The following DCHS2 variants were observed in gnomAD, a reference collection of about 807,000 sequenced individuals.
DCHS2 encodes the protein dachsous cadherin-related 2.
A neutral mutation model predicts 182.4 loss-of-function variants in DCHS2; 142 were observed. The ratio of observed to expected loss-of-function variants is 0.78; its 90% CI spans 0.68 to 0.89. DCHS2 has a LOEUF of 0.89. Among genes scored for constraint, DCHS2 ranks in the 40% least tolerant of loss-of-function variants. DCHS2 has a pLI of 0.00. For synonymous variants in DCHS2, 1,740 were observed against 1,663.3 expected, an observed-to-expected ratio of 1.05 and a Z score of -1.12; for missense variants, 4,319 against 4,198.6, an observed-to-expected ratio of 1.03 and a Z score of -0.79.
intron 1 of DCHS2, among the ~76,000 whole-genome samples, chr4:154,415,306 G>GTCAAA (rs1732790039): frequency 6.6e-6 from 1 of 152,132 alleles, no homozygotes; most frequent in Non-Finnish European, 1.5e-5. Flanking sequence ...CTTATACATA[G>GTCAAA]ATTTAATTGC....
At chr4:154,387,399 G>C (rs1360847707) in intron 1 of DCHS2, among the ~76,000 whole-genome samples, 1 of 142,658 alleles carries the variant, frequency 7.0e-6, no homozygotes, top group Non-Finnish European at 1.5e-5. Context: ...ACCTGAAACA[G>C]ATCCTACTAA....
At chr4:154,379,870 T>C (rs1731089366) in intron 1 of DCHS2, among the ~76,000 whole-genome samples, 1 of 152,164 alleles carries the variant, frequency 6.6e-6, no homozygotes, top group African/African-American at 2.4e-5. Context: ...TTGGAGCTAT[T>C]TTGAAGTAGT....
chr4:154,486,507 TG>T (rs1728592075), intron 1 of DCHS2: 1 of 1,304,618 alleles, frequency 7.7e-7, no homozygotes, highest in Non-Finnish European at 1.0e-6. Context: ...AAAGGCAACT[TG>T]AGCAGATATA....
intron 13 of DCHS2, among the ~76,000 whole-genome samples, chr4:154,295,327 T>C (rs1734873624): frequency 6.6e-6 from 1 of 152,234 alleles, no homozygotes; most frequent in South Asian, 2.1e-4. Flanking sequence ...CCTAGTTAGA[T>C]AATGCTCATT....
At chr4:154,407,375 C>G (rs1732445632) in intron 1 of DCHS2, among the ~76,000 whole-genome samples, 1 of 152,146 alleles carries the variant, frequency 6.6e-6, no homozygotes, top group Non-Finnish European at 1.5e-5. Context: ...ACTTGCTTAA[C>G]CAAGAGCAAA....
At chr4:154,242,130 C>T (rs1731855461) in intron 17 of DCHS2, among the ~76,000 whole-genome samples, 1 of 152,138 alleles carries the variant, frequency 6.6e-6, no homozygotes, top group African/African-American at 2.4e-5. Flanking sequence ...TGAAGGTTAA[C>T]CAGCATCTCA....
intron 13 of DCHS2, among the ~76,000 whole-genome samples, chr4:154,282,045 C>T (rs573010371): frequency 6.6e-6 from 1 of 152,040 alleles, no homozygotes; most frequent in African/African-American, 2.4e-5. Context: ...GGATTAGAGA[C>T]TTAAATGTAA....
intron 1 of DCHS2, among the ~76,000 whole-genome samples, chr4:154,450,755 C>T (rs989466608): frequency 2.0e-5 from 3 of 151,918 alleles, no homozygotes; most frequent in Admixed American, 6.6e-5. Flanking sequence ...ATCACTTGAA[C>T]GCGGAAGGCA....
intron 16 of DCHS2, among the ~76,000 whole-genome samples, chr4:154,254,997 T>C (rs992405580): frequency 3.3e-5 from 5 of 152,204 alleles, no homozygotes; most frequent in African/African-American, 1.2e-4. Flanking sequence ...GGCTGGCATA[T>C]CTTAGACTCT....
At chr4:154,291,248 T>C (rs1181686242) in intron 13 of DCHS2, among the ~76,000 whole-genome samples, 1 of 151,978 alleles carries the variant, frequency 6.6e-6, no homozygotes, top group East Asian at 1.9e-4. Flanking sequence ...AAATATCATC[T>C]CATCTCATTT....
At chr4:154,352,093 T>C (rs1729647025) in intron 3 of DCHS2, among the ~76,000 whole-genome samples, 1 of 151,950 alleles carries the variant, frequency 6.6e-6, no homozygotes, top group African/African-American at 2.4e-5. Context: ...ACAGAGAGAC[T>C]TGCATACACA....
At position 154,485,463 on chromosome 4, in the gene DCHS2, T is replaced by A. The variant is rs540073706; in HGVS notation, c.2052+3841A>T. Among the ~76,000 whole-genome samples, 8 of 152,252 alleles carry A rather than the reference T, an allele frequency of 5.3e-5. No individual in the cohort carries two copies. In the South Asian group the frequency reaches 1.7e-3, roughly 32 times the overall value. ...GTCAGAACACATGGAGAAGGGGTGATCAGCAAGTGGGAGTCAGGCACATGT... is the reference window on the plus strand; with the variant it reads ...GTCAGAACACATGGAGAAGGGGTGAACAGCAAGTGGGAGTCAGGCACATGT... On this transcript the variant is annotated intron_variant, in intron 1 of 19. Coordinates refer to ENST00000357232, the MANE Select transcript of DCHS2 (RefSeq NM_001358235.2).
intron 7 of DCHS2, among the ~76,000 whole-genome samples, chr4:154,326,987 A>G (rs1047717272): frequency 6.6e-6 from 1 of 152,136 alleles, no homozygotes; most frequent in African/African-American, 2.4e-5. Flanking sequence ...AATCTTTAGG[A>G]TATTGAGTCT....
intron 1 of DCHS2, among the ~76,000 whole-genome samples, chr4:154,457,015 T>A (rs1338586357): frequency 1.3e-5 from 2 of 152,084 alleles, no homozygotes. Context: ...AGAGTATGAG[T>A]TCCATGAAGG....
chr4:154,296,319 A>T (rs775346599), intron 13 of DCHS2, among the ~76,000 whole-genome samples: 1 of 152,264 alleles, frequency 6.6e-6, no homozygotes, highest in South Asian at 2.1e-4. Flanking sequence ...TCTGGCTTGG[A>T]AATGCGAGGG....
intron 16 of DCHS2, among the ~76,000 whole-genome samples, chr4:154,249,150 AACC>A (rs1466956974): frequency 1.3e-5 from 2 of 152,200 alleles, no homozygotes; most frequent in Non-Finnish European, 2.9e-5. Context: ...GTAAAGAGAC[AACC>A]TACAGAATGA....
chr4:154,446,688 C>T (rs1734297899), intron 1 of DCHS2, among the ~76,000 whole-genome samples: 1 of 152,024 alleles, frequency 6.6e-6, no homozygotes, highest in African/African-American at 2.4e-5. Flanking sequence ...CTCCAAATGA[C>T]ATTACATGAT....
At position 154,490,848 on chromosome 4, in the gene DCHS2, C is replaced by A; in HGVS notation, c.508G>T (p.Asp170Tyr). 1 of 1,551,558 alleles carries A rather than the reference C, an allele frequency of 6.4e-7. No homozygotes were observed. The highest frequency in any genetic ancestry group is 8.7e-7 in the Non-Finnish European group (1 of 1,146,948). ...VNDHSPRFPL[D>Y]SLQLDVSELS... ...TCGGAGACGTCGAGTTGCAGGGAGT[C>A]GAGGGGAAAGCGGGGCGAGTGGTCA... The change falls in exon 1 of 20, where the codon GAC becomes TAC. Residue 170 changes from aspartate (D) to tyrosine (Y), a missense_variant. Physicochemically the swap from Asp to Tyr is radical, Grantham distance 160. Transcript: ENST00000357232.
chr4:154,447,991 T>C (rs1189179334), intron 1 of DCHS2, among the ~76,000 whole-genome samples: 1 of 152,142 alleles, frequency 6.6e-6, no homozygotes, highest in Non-Finnish European at 1.5e-5. Context: ...TCACCTCCTA[T>C]TCCCTCTTCA....
Sources: gnomAD v4.1 joint callset for allele counts (sites outside exome capture counted in the v4.1 genomes callset) on GRCh38, gnomAD v4.1.1 for gene constraint, MANE v1.5 for transcripts, NCBI Gene and HGNC (gene_info 2026-07-23, HGNC 2026-07-21) for gene names.